WDR55: variants seen among roughly 807,000 people sequenced by gnomAD.
The protein encoded by WDR55 is WD repeat-containing protein 55.
A neutral mutation model predicts 34.0 loss-of-function variants in WDR55; 31 were observed. The ratio of observed to expected loss-of-function variants is 0.91; its 90% CI spans 0.69 to 1.23. WDR55 has a LOEUF of 1.23. Among genes scored for constraint, WDR55 ranks in the 50% most tolerant of loss-of-function variants. The pLI, the probability that WDR55 is intolerant of heterozygous loss-of-function variation, is 0.00. For missense variants in WDR55, 440 were observed against 494.6 expected, an observed-to-expected ratio of 0.89 and a Z score of 1.05; for synonymous variants, 164 against 185.9, an observed-to-expected ratio of 0.88 and a Z score of 0.96.
chr5:140,666,214 G>A (rs1243634514), intron 1 of WDR55, among the ~76,000 whole-genome samples: 1 of 151,844 alleles, frequency 6.6e-6, no homozygotes, highest in Non-Finnish European at 1.5e-5. Context: ...TGGCCAACAT[G>A]GTGAAATCCT....
Position 140,669,351 on chromosome 5 carries a change from G to C in WDR55, c.849G>C (p.Pro283=). The change falls in exon 7 of 7, where the codon CCG becomes CCC. Residue 283 remains proline (P), a synonymous_variant. Transcript: ENST00000358337. ...TGCCCAGGGCTGTGAACATCCTACC[G>C]AACCGAGTGGTGGGCAGTGTGGGCC... ...DGVIRAVNIL[P]NRVVGSVGQH... 1 of 1,611,622 alleles carries C rather than the reference G, an allele frequency of 6.2e-7. No individual in the cohort carries two copies. Among genetic ancestry groups the C allele is most frequent in the African/African-American group, 1.3e-5 (1 of 74,926 alleles).
At chr5:140,668,142 A>T in intron 1 of WDR55, 92 bp from the exon 2 acceptor site, 1 of 1,396,526 alleles carries the variant, frequency 7.2e-7, no homozygotes, top group Non-Finnish European at 9.5e-7. Flanking sequence ...ACTCTTAGGT[A>T]GGTGGGAAGG....
chr5:140,671,903 G>C lies in WDR55; in HGVS notation c.*2249G>C. 1.2e-6 allele frequency: 1 copy of C among 851,882 alleles called. No individual in the cohort carries two copies. The highest frequency in any genetic ancestry group is 1.9e-6 in the Non-Finnish European group (1 of 530,002). 52.8% of individuals were successfully genotyped at this position (851,882 alleles called of 1,614,324 possible). Reference sequence around the variant, plus strand: ...GTAAGAAAAGACAATGAAGCCTTCAGCCTCCATTATTTGCAAAGGGAGTAT... The same window carrying C: ...GTAAGAAAAGACAATGAAGCCTTCACCCTCCATTATTTGCAAAGGGAGTAT... On this transcript the variant is annotated 3_prime_UTR_variant, in exon 7 of 7. Coordinates refer to ENST00000358337, the MANE Select transcript of WDR55 (RefSeq NM_017706.5).
chr5:140,668,526 G>C (rs768951470), intron 3 of WDR55, 24 bp downstream of exon 3: 3 of 1,613,166 alleles, frequency 1.9e-6, no homozygotes, highest in Non-Finnish European at 2.5e-6. Context: ...CCAATTCTGT[G>C]TATGTGCATG....
rs531389224 is a variant in WDR55, at chr5:140,665,484, A to C, written c.191+381A>C. Among the ~76,000 whole-genome samples the C allele has an allele frequency of 1.3e-3, 198 of 152,074 alleles. 1 individual carries two copies. Among genetic ancestry groups the C allele is most frequent in the African/African-American group, 4.5e-3 (188 of 41,514 alleles). On this transcript the variant is annotated intron_variant, in intron 1 of 6. Transcript: ENST00000358337. ...AGCAGTTCTCTTCCTCAGCCTCCCG[A>C]GTAGCTGGGATTATAAGCGCCCGCC...
At chr5:140,665,251 CA>C (rs779374590) in intron 1 of WDR55, 148 bp downstream of exon 1, 113 of 694,024 alleles carry the variant, frequency 1.6e-4, no homozygotes, top group Non-Finnish European at 2.5e-4. Context: ...GCTCTTCTAT[CA>C]CACCAATCTG....
Position 140,672,277 on chromosome 5 carries a change from G to C in WDR55, c.*2623G>C. 1.4e-6 allele frequency: 1 copy of C among 710,930 alleles called. No individual in the cohort carries two copies. Among genetic ancestry groups the C allele is most frequent in the Non-Finnish European group, 2.3e-6 (1 of 435,218 alleles). 44.0% of individuals were successfully genotyped at this position (710,930 alleles called of 1,614,324 possible). A position where few individuals can be genotyped will look rare whatever the true frequency, so the allele number is the denominator to read the frequency against. ...GGAAGTGTCACAAATTTAGGTAAGC[G>C]GTGGTGGTAGCACCATTGGAAGTTT... On this transcript the variant is annotated 3_prime_UTR_variant, in exon 7 of 7. Transcript: ENST00000358337.
rs760021168 is a variant in WDR55 at position 140,669,250 on chromosome 5, T to A, written c.830+2T>A. 1 of 1,612,486 alleles carries A rather than the reference T, an allele frequency of 6.2e-7. No individual in the cohort carries two copies. The highest frequency in any genetic ancestry group is 8.5e-7 in the Non-Finnish European group (1 of 1,179,782). ...TGGCTCCACTGATGGAGTCATCAGGTGAGGGAAGCCTGGACAGCCCTTAGG... is the reference window on the plus strand; with the variant it reads ...TGGCTCCACTGATGGAGTCATCAGGAGAGGGAAGCCTGGACAGCCCTTAGG... On this transcript the variant is annotated splice_donor_variant, in intron 6 of 6. Coordinates refer to ENST00000358337, the MANE Select transcript of WDR55 (RefSeq NM_017706.5). LOFTEE classifies it high-confidence loss of function.
Position 140,671,423 on chromosome 5 carries a change from A to G in WDR55, c.*1769A>G, listed in dbSNP as rs1333360542. On this transcript the variant is annotated 3_prime_UTR_variant, in exon 7 of 7. Transcript: ENST00000358337. ...CACCTCATGCCCATCCCGGCCATCT[A>G]GGGTCAGCACAACCCAGATGAGGCC... 6.2e-7 allele frequency: 1 copy of G among 1,612,126 alleles called. No individual in the cohort carries two copies. Among genetic ancestry groups the G allele is most frequent in the South Asian group, 1.1e-5 (1 of 91,006 alleles).
At chr5:140,667,132 C>T in intron 1 of WDR55, 1 of 985,426 alleles carries the variant, frequency 1.0e-6, no homozygotes. Flanking sequence ...CCTTCTACTA[C>T]TATCCATATT....
intron 1 of WDR55, among the ~76,000 whole-genome samples, chr5:140,665,753 G>A (rs1293884457): frequency 6.6e-6 from 1 of 152,130 alleles, no homozygotes; most frequent in African/African-American, 2.4e-5. Flanking sequence ...TGTAATACCC[G>A]CACTTTGGGA....
chr5:140,669,557 C>G lies in WDR55; in HGVS notation c.1055C>G (p.Thr352Ser). 6.2e-6 allele frequency: 10 copies of G among 1,614,098 alleles called. No homozygotes were observed. The highest frequency in any genetic ancestry group is 7.6e-6 in the Non-Finnish European group (9 of 1,180,002). Residue 352 changes from threonine (T) to serine (S), a missense_variant, in exon 7 of 7, where the codon ACT becomes AGT. Thr to Ser is a moderately conservative substitution (Grantham distance 58). Transcript: ENST00000358337. ...CCACTGCGGGCTCTGAGCAGCAAGA[C>G]TTGGAGCACCGATGACTTCTTCGCA... ...GGPLRALSSK[T>S]WSTDDFFAGL...
chr5:140,666,813 T>C (rs947563537), intron 1 of WDR55: 10 of 985,334 alleles, frequency 1.0e-5, no homozygotes, highest in African/African-American at 8.7e-5. Context: ...GAAAAAACAC[T>C]GTTCTGGAGT....
Position 140,669,539 on chromosome 5 carries a change from G to A in WDR55, c.1037G>A (p.Arg346Gln), listed in dbSNP as rs1437704905. 3 of 1,613,958 alleles carry A rather than the reference G, an allele frequency of 1.9e-6. No individual in the cohort carries two copies. The highest frequency in any genetic ancestry group is 1.3e-5 in the African/African-American group (1 of 74,920). Residue 346 changes from arginine to glutamine, a missense_variant, in exon 7 of 7, where the codon CGG (arginine) becomes CAG (glutamine). Arg to Gln is a conservative substitution (Grantham distance 43). Coordinates refer to ENST00000358337, the MANE Select transcript of WDR55 (RefSeq NM_017706.5). Reference sequence around the variant, plus strand: ...CGCAAAAAAAAGGGAGGACCACTGCGGGCTCTGAGCAGCAAGACTTGGAGC... The same window carrying A: ...CGCAAAAAAAAGGGAGGACCACTGCAGGCTCTGAGCAGCAAGACTTGGAGC... ...RRRKKKGGPLRALSSKTWSTD... is the reference protein window; with the variant it reads ...RRRKKKGGPLQALSSKTWSTD...
chr5:140,669,290 G>C (rs1276372186), intron 6 of WDR55, 42 bp downstream of exon 6: 2 of 1,612,808 alleles, frequency 1.2e-6, no homozygotes, highest in Admixed American at 1.7e-5. Context: ...AGGAAGGGCA[G>C]ACCCAGCTAG....
chr5:140,666,689 C>T, intron 1 of WDR55: 1 of 984,804 alleles, frequency 1.0e-6, no homozygotes, highest in Non-Finnish European at 1.2e-6. Context: ...AGAGAAATAC[C>T]TTTTACATTA....
chr5:140,671,170 G>A lies in WDR55; in HGVS notation c.*1516G>A. 1 of 1,256,144 alleles carries A rather than the reference G, an allele frequency of 8.0e-7. No homozygotes were observed. The highest frequency in any genetic ancestry group is 1.1e-6 in the Non-Finnish European group (1 of 872,378). The allele number at this position is 1,256,144 out of a possible 1,614,324, so 77.8% of individuals were successfully genotyped here. On this transcript the variant is annotated 3_prime_UTR_variant, in exon 7 of 7. Transcript: ENST00000358337. ...TCCCTGTCCCAGCAGGGAGGCTGAT[G>A]GGCCTGGGCCCATGCCCCTCCCCAC...
At chr5:140,668,192 G>C in intron 1 of WDR55, 42 bp from the exon 2 acceptor site, 1 of 1,546,538 alleles carries the variant, frequency 6.5e-7, no homozygotes, top group Non-Finnish European at 8.7e-7. Flanking sequence ...ATGCAACCCA[G>C]GCTGGGTCTG....
At chr5:140,666,844 TTC>T in intron 1 of WDR55, 2 of 985,126 alleles carry the variant, frequency 2.0e-6, no homozygotes, top group Non-Finnish European at 2.4e-6. Flanking sequence ...ATCGGTTTTG[TTC>T]TCTATTTTAT....
Sources: allele counts gnomAD v4.1 joint callset (sites outside exome capture counted in the v4.1 genomes callset), GRCh38; gene constraint gnomAD v4.1.1; transcripts MANE v1.5; gene names NCBI Gene and HGNC (gene_info 2026-07-23, HGNC 2026-07-21).